Variants in LMO2 observed in about 807,000 individuals in gnomAD.
LMO2 encodes LIM domain only 2, also known as rhombotin-2.
LMO2 carries 20 observed loss-of-function variants against 23.2 expected under a neutral mutation model. That is an observed-to-expected ratio of 0.86 (90% CI 0.61 to 1.25). The LOEUF (loss-of-function observed/expected upper bound fraction) is 1.25, where lower values mean the gene tolerates loss of function less well. Ranked by LOEUF, LMO2 falls within the 50% of genes most tolerant of loss-of-function variation. LMO2 has a pLI of 0.00. For synonymous variants in LMO2, 123 were observed against 130.2 expected (o/e 0.94, Z 0.38); for missense variants, 270 against 315.3 (o/e 0.86, Z 1.09).
intron 5 of LMO2, among the ~76,000 whole-genome samples, chr11:33,862,667 TAA>T (rs1856628031): frequency 6.6e-6 from 1 of 152,166 alleles, no homozygotes. Context: ...CTTGCCTTGT[TAA>T]AAGATCCTGC....
intron 1 of LMO2, among the ~76,000 whole-genome samples, chr11:33,888,748 C>G (rs1857473811): frequency 6.6e-6 from 1 of 152,224 alleles, no homozygotes; most frequent in Admixed American, 6.5e-5. Flanking sequence ...TCTGTCTCCC[C>G]CTCTCAAGTT....
intron 5 of LMO2, among the ~76,000 whole-genome samples, chr11:33,863,852 C>T (rs1856673773): frequency 6.6e-6 from 1 of 152,198 alleles, no homozygotes; most frequent in Non-Finnish European, 1.5e-5. Flanking sequence ...TATGTAAGAG[C>T]AGCTAACATC....
At chr11:33,866,928 T>C (rs1262973312) in intron 4 of LMO2, among the ~76,000 whole-genome samples, 2 of 152,238 alleles carry the variant, frequency 1.3e-5, no homozygotes, top group Non-Finnish European at 2.9e-5. Context: ...ACTAATACCC[T>C]AGCTTTTTCA....
rs533115816 is a variant in LMO2 at position 33,886,437 on chromosome 11, A to G, written c.-335-4550T>C. On this transcript the variant is annotated intron_variant, in intron 1 of 5. Transcript: ENST00000257818. ...CAGGATGATGTGATATTCCTGGCCC[A>G]TGGTGTTGTAGAAGAATTGTACATT... Among the ~76,000 whole-genome samples the G allele has an allele frequency of 2.0e-5, 3 of 152,280 alleles. No homozygotes were observed. The South Asian group carries it at 6.2e-4, about 32-fold the overall frequency.
intron 2 of LMO2, among the ~76,000 whole-genome samples, chr11:33,878,039 ATCCACAAG>A (rs1857179128): frequency 6.6e-6 from 1 of 152,308 alleles, no homozygotes; most frequent in East Asian, 1.9e-4. Flanking sequence ...GTCCATGACC[ATCCACAAG>A]TTGCTTAACC....
intron 5 of LMO2, 148 bp from the exon 6 acceptor site, chr11:33,859,723 G>A: frequency 1.6e-6 from 1 of 644,222 alleles, no homozygotes; most frequent in Non-Finnish European, 2.7e-6. Flanking sequence ...GCCGGCTAGT[G>A]CAGTCTTCAC....
Position 33,869,749 on chromosome 11 carries a change from C to CA in LMO2, c.-34_-33insT. The CA allele has an allele frequency of 8.0e-7, 1 of 1,248,680 alleles. No individual in the cohort carries two copies. Among genetic ancestry groups the CA allele is most frequent in the Non-Finnish European group, 1.0e-6 (1 of 984,918 alleles). 77.4% of individuals were successfully genotyped at this position (1,248,680 alleles called of 1,614,324 possible). ...CCGCCGCCGCCACCGCCCGGTCCCT[C>CA]TCGCGCGCTGTCGCCGGCTCCGCGC... On this transcript the variant is annotated 5_prime_UTR_variant, in exon 3 of 6. The change creates a new upstream start codon in the 5' untranslated region. Transcript: ENST00000257818.
Position 33,869,832 on chromosome 11 carries a change from C to G in LMO2, c.-116G>C, listed in dbSNP as rs1490689511. The G allele has an allele frequency of 1.9e-6, 2 of 1,072,704 alleles. No individual in the cohort carries two copies. Among genetic ancestry groups the G allele is most frequent in the Non-Finnish European group, 2.3e-6 (2 of 887,662 alleles). The allele number at this position is 1,072,704 out of a possible 1,614,324, so 66.4% of individuals were successfully genotyped here. On this transcript the variant is annotated 5_prime_UTR_variant, in exon 3 of 6. Transcript: ENST00000257818. ...GCCCGGAGCCCCTCGCACCTTCGGC[C>G]CGGGTCGCGGCGCGCTGCTCGCCGC...
chr11:33,887,070 T>G (rs1044513013), intron 1 of LMO2, among the ~76,000 whole-genome samples: 3 of 152,252 alleles, frequency 2.0e-5, no homozygotes, highest in Non-Finnish European at 2.9e-5. Flanking sequence ...CACATGGGAA[T>G]CCATGACTTG....
At chr11:33,878,402 T>C (rs930071450) in intron 2 of LMO2, among the ~76,000 whole-genome samples, 1 of 152,200 alleles carries the variant, frequency 6.6e-6, no homozygotes, top group African/African-American at 2.4e-5. Flanking sequence ...GGCTTTGAGA[T>C]AAATAAACCT....
chr11:33,892,020 C>G lies in LMO2; in HGVS notation c.-561G>C, dbSNP rs545382212. The G allele has an allele frequency of 1.3e-5, 2 of 152,362 alleles. No individual in the cohort carries two copies. The highest frequency in any genetic ancestry group is 3.9e-4 in the East Asian group (2 of 5,188). 9.4% of individuals were successfully genotyped at this position (152,362 alleles called of 1,614,324 possible). A position where few individuals can be genotyped will look rare whatever the true frequency, so the allele number is the denominator to read the frequency against. On this transcript the variant is annotated 5_prime_UTR_variant, in exon 1 of 6. Transcript: ENST00000257818. ...TGAGGGCAGGTGGGGGTATTTCCTT[C>G]TCAATTCTGCTCAAGGCCCGTTGCT...
intron 2 of LMO2, among the ~76,000 whole-genome samples, chr11:33,872,083 G>C (rs6484679): frequency 6.6e-6 from 1 of 152,142 alleles, no homozygotes. Flanking sequence ...TTGAGGTCAG[G>C]AGTTCATGAC....
At chr11:33,882,587 C>T (rs1178307641) in intron 1 of LMO2, among the ~76,000 whole-genome samples, 2 of 152,186 alleles carry the variant, frequency 1.3e-5, no homozygotes, top group Admixed American at 6.5e-5. Flanking sequence ...TATTACCTAG[C>T]GGCATTTATT....
rs56309116 is a variant in LMO2, at chr11:33,871,201, CTGTGTGTGTGTGTGTGTGTG to C, written c.-271-1234_-271-1215del. ...GGTCCCTAATGGGTATAATCAAAAG[CTGTGTGTGTGTGTGTGTGTG>C]TGTGTGTGTGTGTGTGTGTGTCCCA... is the stretch of plus-strand genomic sequence containing the variant. On this transcript the variant is annotated intron_variant, in intron 2 of 5. Coordinates refer to ENST00000257818, the MANE Select transcript of LMO2 (RefSeq NM_005574.4). 2.2e-4 allele frequency: 35 copies of C among 160,054 alleles called. 1 individual carries two copies. Among genetic ancestry groups the C allele is most frequent in the Non-Finnish European group, 3.3e-4 (27 of 81,778 alleles). The allele number at this position is 160,054 out of a possible 1,614,324, so 9.9% of individuals were successfully genotyped here. A position where few individuals can be genotyped will look rare whatever the true frequency, so the allele number is the denominator to read the frequency against.
chr11:33,877,559 G>A (rs1565033294), intron 2 of LMO2, among the ~76,000 whole-genome samples: 1 of 148,210 alleles, frequency 6.7e-6, no homozygotes, highest in East Asian at 2.0e-4. Flanking sequence ...CTGCCTCCCG[G>A]TTTCAAGTGA....
chr11:33,861,436 C>T (rs1856576140), intron 5 of LMO2, among the ~76,000 whole-genome samples: 1 of 152,170 alleles, frequency 6.6e-6, no homozygotes, highest in African/African-American at 2.4e-5. Context: ...GCTCATTGTT[C>T]GGGCCAGGGC....
In LMO2 at chr11:33,859,071, T is replaced by C. The variant is rs1385443503; in HGVS notation, c.*285A>G. On this transcript the variant is annotated 3_prime_UTR_variant, in exon 6 of 6. Transcript: ENST00000257818. The stretch of plus-strand genomic sequence containing the variant: ...TCCATCATGATAGCACAGCGCCTGC[T>C]TGCCCCTAAATGTTCCTTTCTTCTG... The C allele has an allele frequency of 9.3e-6, 4 of 429,758 alleles. No individual in the cohort carries two copies. The highest frequency in any genetic ancestry group is 1.7e-5 in the Non-Finnish European group (4 of 233,684). The allele number at this position is 429,758 out of a possible 1,614,324, so 26.6% of individuals were successfully genotyped here. A position where few individuals can be genotyped will look rare whatever the true frequency, so the allele number is the denominator to read the frequency against.
At chr11:33,868,202 T>C (rs1856856483) in intron 4 of LMO2, among the ~76,000 whole-genome samples, 1 of 152,156 alleles carries the variant, frequency 6.6e-6, no homozygotes, top group Non-Finnish European at 1.5e-5. Flanking sequence ...TGCTGGTAAC[T>C]GAGGGTAAAA....
chr11:33,882,426 A>C lies in LMO2; in HGVS notation c.-335-539T>G, dbSNP rs191427493. 1.3e-3 allele frequency among the ~76,000 whole-genome samples: 195 copies of C among 152,362 alleles called. 1 individual carries two copies. Among genetic ancestry groups the C allele is most frequent in the Non-Finnish European group, 1.3e-3 (91 of 68,028 alleles). On this transcript the variant is annotated intron_variant, in intron 1 of 5. Coordinates refer to ENST00000257818, the MANE Select transcript of LMO2 (RefSeq NM_005574.4). ...TTGATAGGAGAGGAAATTAGGCCAA[A>C]GCCCTTTCAAATCTCAAACATGCCT...
Sources: allele counts gnomAD v4.1 joint callset (sites outside exome capture counted in the v4.1 genomes callset), GRCh38; gene constraint gnomAD v4.1.1; transcripts MANE v1.5; gene names NCBI Gene and HGNC (gene_info 2026-07-23, HGNC 2026-07-21).